The following RARB variants were observed in gnomAD, a reference collection of about 807,000 sequenced individuals.
RARB encodes retinoic acid receptor beta, also known as HBV-activated protein.
A neutral mutation model predicts 51.9 loss-of-function variants in RARB; 17 were observed. The ratio of observed to expected loss-of-function variants is 0.33; its 90% CI spans 0.22 to 0.49. The LOEUF is 0.49. RARB is among the 20% of genes least tolerant of loss of function. RARB has a pLI of 0.99. For missense variants in RARB, 369 were observed against 550.8 expected (o/e 0.67, Z 3.30); for synonymous variants, 215 against 195.4 (o/e 1.10, Z -0.84).
intron 1 of RARB, among the ~76,000 whole-genome samples, chr3:24,834,924 C>CT (rs1306999074): frequency 6.6e-6 from 1 of 151,876 alleles, no homozygotes; most frequent in Non-Finnish European, 1.5e-5. Context: ...TTCCTTTTTC[C>CT]TTTTTTTCCC....
In RARB at chr3:24,900,903, A is replaced by C. The variant is rs929469860; in HGVS notation, c.-380+42151A>C. ...TATAACTCTTAGTTTTAAAAATAAC[A>C]ATTCATTTACATAATATGGGATGCA... On this transcript the variant is annotated intron_variant, in intron 2 of 11. Coordinates refer to the RARB transcript ENST00000383772. Among the ~76,000 whole-genome samples, 9 of 152,198 alleles carry C rather than the reference A, an allele frequency of 5.9e-5. No homozygotes were observed. The South Asian group carries it at 1.9e-3, about 31-fold the overall frequency.
At chr3:25,015,884 T>A (rs1697498176) in intron 2 of RARB, among the ~76,000 whole-genome samples, 1 of 152,198 alleles carries the variant, frequency 6.6e-6, no homozygotes, top group African/African-American at 2.4e-5. Context: ...CATAAATAAA[T>A]CAAGTCATAT....
chr3:25,361,413 T>C (rs1705928594), intron 5 of RARB, among the ~76,000 whole-genome samples: 1 of 152,216 alleles, frequency 6.6e-6, no homozygotes, highest in African/African-American at 2.4e-5. Context: ...CTTCCTTGCA[T>C]TGGATTAGAA....
At chr3:25,192,806 T>C (rs1701136840) in intron 5 of RARB, among the ~76,000 whole-genome samples, 1 of 151,976 alleles carries the variant, frequency 6.6e-6, no homozygotes, top group South Asian at 2.1e-4. Flanking sequence ...TCTTTAGACA[T>C]GGTCTTACTC....
intron 2 of RARB, among the ~76,000 whole-genome samples, chr3:24,987,022 T>C (rs531719565): frequency 6.6e-6 from 1 of 152,234 alleles, no homozygotes; most frequent in East Asian, 1.9e-4. Context: ...AAAATACGGG[T>C]TTGAAAACAG....
At chr3:25,033,760 G>A (rs1559441554) in intron 2 of RARB, among the ~76,000 whole-genome samples, 1 of 152,152 alleles carries the variant, frequency 6.6e-6, no homozygotes, top group Non-Finnish European at 1.5e-5. Context: ...ACACAGGGAA[G>A]GGGATTCTTG....
chr3:25,087,244 G>A (rs1315270402), intron 3 of RARB, among the ~76,000 whole-genome samples: 1 of 152,144 alleles, frequency 6.6e-6, no homozygotes, highest in African/African-American at 2.4e-5. Context: ...CATGGCCTGA[G>A]CTAGTGTTTC....
At chr3:25,542,443 G>GGAAAT (rs1699423747) in intron 3 of RARB, among the ~76,000 whole-genome samples, 4 of 152,290 alleles carry the variant, frequency 2.6e-5, no homozygotes, top group African/African-American at 9.6e-5. Flanking sequence ...TAGGGTGGTG[G>GGAAAT]TAAGGTAGAG....
At chr3:25,551,522 G>A (rs1699851347) in intron 3 of RARB, among the ~76,000 whole-genome samples, 1 of 152,172 alleles carries the variant, frequency 6.6e-6, no homozygotes, top group East Asian at 1.9e-4. Flanking sequence ...AACATGGAAG[G>A]AGAAAGAGTT....
intron 2 of RARB, among the ~76,000 whole-genome samples, chr3:25,461,759 G>T (rs1695198262): frequency 6.6e-6 from 1 of 152,140 alleles, no homozygotes; most frequent in Non-Finnish European, 1.5e-5. Context: ...CCAGGCGTGA[G>T]TGGCTGGTAC....
chr3:25,260,230 G>C (rs924969027), intron 5 of RARB, among the ~76,000 whole-genome samples: 4 of 152,118 alleles, frequency 2.6e-5, no homozygotes, highest in African/African-American at 9.7e-5. Flanking sequence ...AAGAACACCA[G>C]GGTTTTGCAA....
intron 4 of RARB, among the ~76,000 whole-genome samples, chr3:25,155,802 C>G (rs1195252856): frequency 1.3e-5 from 2 of 152,186 alleles, no homozygotes; most frequent in East Asian, 3.9e-4. Flanking sequence ...AGCCTGTCTG[C>G]TACCCCAGCC....
intron 3 of RARB, among the ~76,000 whole-genome samples, chr3:25,516,561 T>TA (rs1207699528): frequency 1.3e-5 from 2 of 151,688 alleles, no homozygotes; most frequent in South Asian, 2.1e-4. Context: ...GCAACCTAGT[T>TA]AAAAAAAGCC....
chr3:24,961,997 A>AGGCTAGAG (rs2125412113), intron 2 of RARB, among the ~76,000 whole-genome samples: 1 of 123,106 alleles, frequency 8.1e-6, no homozygotes, highest in African/African-American at 3.1e-5. Flanking sequence ...TGGCGCTATC[A>AGGCTAGAG]TGGCTCACTG....
intron 1 of RARB, among the ~76,000 whole-genome samples, chr3:24,835,694 A>G (rs534482788): frequency 1.6e-4 from 24 of 152,118 alleles, no homozygotes; most frequent in African/African-American, 5.8e-4. Context: ...GTAGTAGGGC[A>G]CCTCCCCAGT....
intron 5 of RARB, among the ~76,000 whole-genome samples, chr3:25,419,063 A>T (rs1241307523): frequency 6.6e-6 from 1 of 151,404 alleles, no homozygotes; most frequent in Admixed American, 6.6e-5. Context: ...GCTAAGTTTA[A>T]TGAAGAGTGA....
chr3:25,524,612 C>CCCTTCCTCCCTCCCTGCCTCCCT, intron 3 of RARB, among the ~76,000 whole-genome samples: 5 of 138,164 alleles, frequency 3.6e-5, no homozygotes, highest in Non-Finnish European at 8.3e-5. Context: ...CTTCCCCCCT[C>CCCTTCCTCCCTCCCTGCCTCCCT]CCTTCCTCCC....
chr3:25,022,523 C>T (rs1429612951), intron 2 of RARB, among the ~76,000 whole-genome samples: 1 of 152,110 alleles, frequency 6.6e-6, no homozygotes, highest in Non-Finnish European at 1.5e-5. Flanking sequence ...TCAAACTATT[C>T]CAAAGCGGCT....
chr3:25,501,380 A>G, intron 3 of RARB, 57 bp downstream of exon 3: 1 of 1,589,544 alleles, frequency 6.3e-7, no homozygotes, highest in Non-Finnish European at 8.5e-7. Flanking sequence ...TGATTTGCTC[A>G]CCTTCCACAG....
Sources: gnomAD v4.1 joint callset for allele counts (sites outside exome capture counted in the v4.1 genomes callset) on GRCh38, gnomAD v4.1.1 for gene constraint, MANE v1.5 for transcripts, NCBI Gene and HGNC (gene_info 2026-07-23, HGNC 2026-07-21) for gene names.